GOLGA8A: variants seen among roughly 807,000 people sequenced by gnomAD.
GOLGA8A encodes golgin subfamily A member 8A.
A neutral mutation model predicts 22.1 loss-of-function variants in GOLGA8A; 3 were observed. That is an observed-to-expected ratio of 0.14 (90% CI 0.06 to 0.35). The LOEUF (loss-of-function observed/expected upper bound fraction) is 0.35, where lower values mean the gene tolerates loss of function less well. Ranked by LOEUF, GOLGA8A falls within the 10% of genes least tolerant of loss-of-function variation. The probability of loss-of-function intolerance (pLI) is 1.00; values close to 1 mark genes in which losing one functional copy is unlikely to be tolerated. For missense variants in GOLGA8A, 16 were observed against 233.2 expected (o/e 0.07, Z 6.07); for synonymous variants, 7 against 91.7 (o/e 0.08, Z 5.28).
At chr15:34,432,477 A>G (rs1893302018) in intron 2 of GOLGA8A, among the ~76,000 whole-genome samples, 1 of 149,022 alleles carries the variant, frequency 6.7e-6, no homozygotes, top group African/African-American at 2.5e-5. Context: ...CAGCTCAGCT[A>G]CCTGTCCCCA....
chr15:34,425,593 A>G (rs1302103784), intron 2 of GOLGA8A, among the ~76,000 whole-genome samples: 1 of 144,990 alleles, frequency 6.9e-6, no homozygotes, highest in East Asian at 2.1e-4. Flanking sequence ...GATAGTTTTA[A>G]CAATGTAAAA....
rs1893470097 is a variant in GOLGA8A at position 34,435,652 on chromosome 15, T to A, written c.-1211-181A>T. 2.0e-5 allele frequency among the ~76,000 whole-genome samples: 3 copies of A among 148,388 alleles called. 1 individual carries two copies. The highest frequency in any genetic ancestry group is 4.4e-4 in the South Asian group (2 of 4,596). ...AGCACCCACTCCTGCTCACACACAC[T>A]CACACCCCGTGGGACTCAGCCTGCA... On this transcript the variant is annotated intron_variant, in intron 1 of 24. Transcript: ENST00000359187.
At chr15:34,430,557 C>A (rs1319392415) in intron 2 of GOLGA8A, among the ~76,000 whole-genome samples, 1 of 149,076 alleles carries the variant, frequency 6.7e-6, no homozygotes, top group South Asian at 2.2e-4. Flanking sequence ...TGGCCAAAAT[C>A]GGCCCACTCA....
chr15:34,426,633 G>A (rs1460033484), intron 2 of GOLGA8A, among the ~76,000 whole-genome samples: 2 of 144,896 alleles, frequency 1.4e-5, no homozygotes, highest in Non-Finnish European at 3.0e-5. Flanking sequence ...TATGTTAGGC[G>A]CCACCCCCGT....
In GOLGA8A at chr15:34,428,096, C is replaced by CT. The variant is rs879599948; in HGVS notation, c.-1123+7286dup. On this transcript the variant is annotated intron_variant, in intron 2 of 24. Coordinates refer to ENST00000359187, the MANE Select transcript of GOLGA8A (RefSeq NM_181077.5). ...GCTTTCTCTCCTTCAAATCAGACTT[C>CT]TTTTTTTTTTTTTGAGAGAGAGAAG... 6.3e-3 allele frequency among the ~76,000 whole-genome samples: 874 copies of CT among 138,460 alleles called. 22 individuals carry two copies. The highest frequency in any genetic ancestry group is 0.019 in the African/African-American group (723 of 37,590). 90.8% of individuals were successfully genotyped at this position (138,460 alleles called of 152,430 possible).
intron 2 of GOLGA8A, among the ~76,000 whole-genome samples, chr15:34,430,179 T>C (rs999914389): frequency 1.6e-4 from 24 of 149,204 alleles, no homozygotes; most frequent in African/African-American, 5.4e-4. Flanking sequence ...CTGAAATCTG[T>C]GAAAGCTCAA....
At chr15:34,434,426 T>C (rs2554782) in intron 2 of GOLGA8A, among the ~76,000 whole-genome samples, 4 of 148,526 alleles carry the variant, frequency 2.7e-5, no homozygotes, top group African/African-American at 7.4e-5. Flanking sequence ...CCTGGCTGCA[T>C]GATCTTGAGG....
Position 34,421,481 on chromosome 15 carries a change from C to A in GOLGA8A, c.-1122-13746G>T, listed in dbSNP as rs1480806814. Among the ~76,000 whole-genome samples the A allele has an allele frequency of 1.4e-5, 2 of 139,546 alleles. 1 individual carries two copies. The highest frequency in any genetic ancestry group is 4.4e-4 in the East Asian group (2 of 4,546). The allele number at this position is 139,546 out of a possible 152,430, so 91.5% of individuals were successfully genotyped here. On this transcript the variant is annotated intron_variant, in intron 2 of 24. Coordinates refer to ENST00000359187, the MANE Select transcript of GOLGA8A (RefSeq NM_181077.5). The stretch of plus-strand genomic sequence containing the variant: ...TCAGTGATACCCAGGAAATGACGCA[C>A]ACGGGCTGATATTAAACCCACCCAC...
chr15:34,420,449 A>G (rs1000910084), intron 2 of GOLGA8A, among the ~76,000 whole-genome samples: 1 of 147,890 alleles, frequency 6.8e-6, no homozygotes, highest in African/African-American at 2.5e-5. Flanking sequence ...CAAGCAGCTC[A>G]GGGCCAGCGG....
At chr15:34,432,321 A>G (rs1470043095) in intron 2 of GOLGA8A, among the ~76,000 whole-genome samples, 1 of 148,548 alleles carries the variant, frequency 6.7e-6, no homozygotes, top group African/African-American at 2.5e-5. Flanking sequence ...CATGAGTCCT[A>G]GTCATGCCCA....
rs537519740 is a variant in GOLGA8A, at chr15:34,427,571, C to T, written c.-1123+7812G>A. Among the ~76,000 whole-genome samples the T allele has an allele frequency of 1.2e-4, 18 of 148,228 alleles. 1 individual carries two copies. Among genetic ancestry groups the T allele is most frequent in the African/African-American group, 4.2e-4 (17 of 40,022 alleles). On this transcript the variant is annotated intron_variant, in intron 2 of 24. Transcript: ENST00000359187. ...AGGAGGACAAAGATCCTCCTGGGGC[C>T]GCAGAATTCAGCAGCTTTTCCTTGG... is the stretch of plus-strand genomic sequence containing the variant.
chr15:34,428,153 A>G (rs7168458), intron 2 of GOLGA8A, among the ~76,000 whole-genome samples: 12,385 of 140,252 alleles, frequency 0.088, 1,073 homozygotes, highest in South Asian at 0.21. Flanking sequence ...GAGGGCAGTG[A>G]CACCCTCACA....
chr15:34,421,640 C>G lies in GOLGA8A; in HGVS notation c.-1123+13743G>C, dbSNP rs1314755089. Among the ~76,000 whole-genome samples the G allele has an allele frequency of 1.4e-5, 2 of 143,950 alleles. 1 individual carries two copies. The highest frequency in any genetic ancestry group is 3.0e-5 in the Non-Finnish European group (2 of 65,630). 94.4% of individuals were successfully genotyped at this position (143,950 alleles called of 152,430 possible). ...TCATGCCATCTCTCAGCTCAGGGGT[C>G]CACGACAAAGCTAACCCCACTGAGA... On this transcript the variant is annotated intron_variant, in intron 2 of 24. Transcript: ENST00000359187.
At chr15:34,431,705 C>T (rs1049313775) in intron 2 of GOLGA8A, among the ~76,000 whole-genome samples, 13 of 148,398 alleles carry the variant, frequency 8.8e-5, no homozygotes, top group Non-Finnish European at 6.0e-5. Flanking sequence ...GGAAGTTGCT[C>T]GGGTGAGTCA....
At chr15:34,436,622 C>A (rs1376081466) in intron 1 of GOLGA8A, among the ~76,000 whole-genome samples, 2 of 150,062 alleles carry the variant, frequency 1.3e-5, no homozygotes. Flanking sequence ...CCGCGTCGGC[C>A]CGGAGAAAAG....
At chr15:34,425,544 A>C (rs1221829004) in intron 2 of GOLGA8A, among the ~76,000 whole-genome samples, 1 of 145,540 alleles carries the variant, frequency 6.9e-6, no homozygotes, top group Non-Finnish European at 1.5e-5. Context: ...CCCATTCTCT[A>C]AGTAAGATAC....
chr15:34,400,523 C>A (rs1253252394), intron 6 of GOLGA8A, among the ~76,000 whole-genome samples, 189 bp downstream of exon 6: 2 of 150,864 alleles, frequency 1.3e-5, no homozygotes, highest in Non-Finnish European at 3.0e-5. Flanking sequence ...CCACCACGCC[C>A]AGCCAAAGGT....
intron 2 of GOLGA8A, among the ~76,000 whole-genome samples, chr15:34,427,187 C>T (rs62014594): frequency 0.03 from 4,426 of 147,108 alleles, 389 homozygotes; most frequent in Non-Finnish European, 0.049. Context: ...AAAAGTTAGC[C>T]GGGAGTGGTG....
chr15:34,418,962 T>C lies in GOLGA8A; in HGVS notation c.-1122-11227A>G, dbSNP rs539308790. Reference sequence around the variant, plus strand: ...TCTTGTCGCCCAGGCTGGAGTGCAATGGTGTGATCTTGGCTCACTGCAACC... The same window carrying C: ...TCTTGTCGCCCAGGCTGGAGTGCAACGGTGTGATCTTGGCTCACTGCAACC... On this transcript the variant is annotated intron_variant, in intron 2 of 24. Transcript: ENST00000359187. 4 of 139,600 alleles carry C rather than the reference T, an allele frequency of 2.9e-5. 1 individual carries two copies. The highest frequency in any genetic ancestry group is 5.6e-4 in the South Asian group (2 of 3,560). The allele number at this position is 139,600 out of a possible 1,614,324, so 8.6% of individuals were successfully genotyped here.
Sources: allele counts gnomAD v4.1 joint callset (sites outside exome capture counted in the v4.1 genomes callset), GRCh38; gene constraint gnomAD v4.1.1; transcripts MANE v1.5; gene names NCBI Gene and HGNC (gene_info 2026-07-23, HGNC 2026-07-21).